The following TMEM154 variants were observed in gnomAD, a reference collection of about 807,000 sequenced individuals.
TMEM154 encodes the protein transmembrane protein 154.
Under a neutral mutation model 24.5 loss-of-function variants are expected in TMEM154, and 27 were observed. The ratio of observed to expected loss-of-function variants is 1.10; its 90% CI spans 0.81 to 1.52. The LOEUF is 1.52. TMEM154 is among the 40% of genes most tolerant of loss of function. The pLI, the probability that TMEM154 is intolerant of heterozygous loss-of-function variation, is 0.00. For missense variants in TMEM154, 228 were observed against 213.4 expected, an observed-to-expected ratio of 1.07 and a Z score of -0.43; for synonymous variants, 67 against 76.8, an observed-to-expected ratio of 0.87 and a Z score of 0.67.
At chr4:152,628,888 G>A (rs1220938263) in intron 6 of TMEM154, among the ~76,000 whole-genome samples, 1 of 150,906 alleles carries the variant, frequency 6.6e-6, no homozygotes, top group Non-Finnish European at 1.5e-5. Flanking sequence ...CTTGTGATCT[G>A]CCCACCTTGA....
intron 5 of TMEM154, 62 bp from the exon 6 acceptor site, chr4:152,641,047 C>T (rs1316306262): frequency 4.0e-6 from 6 of 1,507,204 alleles, no homozygotes; most frequent in Non-Finnish European, 3.6e-6. Flanking sequence ...TATCCACAAA[C>T]CTGATACAGT....
At position 152,623,921 on chromosome 4, in the gene TMEM154, T is replaced by C. The variant is rs1455548105; in HGVS notation, c.*4625A>G. ...AGGAAATGGGAAACTGTTAAGAATA[T>C]GCTTTTCATAAAAGTCCAGTTACTT... On this transcript the variant is annotated 3_prime_UTR_variant, in exon 7 of 7. Transcript: ENST00000304385. 1 of 151,236 alleles carries C rather than the reference T, an allele frequency of 6.6e-6. No individual in the cohort carries two copies. Among genetic ancestry groups the C allele is most frequent in the Non-Finnish European group, 1.5e-5 (1 of 67,844 alleles). 9.4% of individuals were successfully genotyped at this position (151,236 alleles called of 1,614,324 possible). A position where few individuals can be genotyped will look rare whatever the true frequency, so the allele number is the denominator to read the frequency against.
chr4:152,671,604 G>A (rs548030141), intron 1 of TMEM154, among the ~76,000 whole-genome samples: 2 of 150,548 alleles, frequency 1.3e-5, no homozygotes, highest in Non-Finnish European at 3.0e-5. Context: ...AAAATTAGCC[G>A]GGCGTAGTGG....
intron 1 of TMEM154, chr4:152,669,429 A>G (rs1332659641): frequency 1.3e-5 from 2 of 152,180 alleles, no homozygotes; most frequent in Non-Finnish European, 1.5e-5. Flanking sequence ...ACAATGAAAC[A>G]TTTTTAGTTA....
At chr4:152,631,410 T>C (rs1752040563) in intron 6 of TMEM154, among the ~76,000 whole-genome samples, 1 of 152,216 alleles carries the variant, frequency 6.6e-6, no homozygotes, top group African/African-American at 2.4e-5. Flanking sequence ...TTATTAATAG[T>C]CTCTGATCAT....
chr4:152,664,527 T>A (rs903911788), intron 1 of TMEM154, among the ~76,000 whole-genome samples: 1 of 152,160 alleles, frequency 6.6e-6, no homozygotes, highest in Non-Finnish European at 1.5e-5. Context: ...TAAAGTAAAA[T>A]TTTTTTAAAG....
intron 6 of TMEM154, among the ~76,000 whole-genome samples, chr4:152,628,803 A>AT (rs1465369707): frequency 3.3e-5 from 5 of 150,092 alleles, no homozygotes; most frequent in South Asian, 4.2e-4. Flanking sequence ...AGCCTGGCTA[A>AT]TTTTTTGTAT....
chr4:152,654,883 G>A (rs1728459718), intron 1 of TMEM154, among the ~76,000 whole-genome samples: 2 of 152,214 alleles, frequency 1.3e-5, no homozygotes, highest in South Asian at 4.1e-4. Context: ...TGTGTTGATT[G>A]TATGAATAAA....
At chr4:152,665,558 A>G (rs181325279) in intron 1 of TMEM154, among the ~76,000 whole-genome samples, 1 of 152,310 alleles carries the variant, frequency 6.6e-6, no homozygotes, top group East Asian at 1.9e-4. Context: ...ACCTTCCTGA[A>G]TAAGCCTGAA....
Position 152,624,058 on chromosome 4 carries a change from C to T in TMEM154, c.*4488G>A, listed in dbSNP as rs1056091410. 1 of 152,160 alleles carries T rather than the reference C, an allele frequency of 6.6e-6. No individual in the cohort carries two copies. The highest frequency in any genetic ancestry group is 2.4e-5 in the African/African-American group (1 of 41,428). The allele number at this position is 152,160 out of a possible 1,614,324, so 9.4% of individuals were successfully genotyped here. The stretch of plus-strand genomic sequence containing the variant: ...TAAAAAAAACCCCAAAGCCCATCCA[C>T]CTTTGTCTTAAACAGGTCTACATTG... On this transcript the variant is annotated 3_prime_UTR_variant, in exon 7 of 7. Transcript: ENST00000304385.
At chr4:152,658,315 A>G (rs1347147990) in intron 1 of TMEM154, among the ~76,000 whole-genome samples, 1 of 152,234 alleles carries the variant, frequency 6.6e-6, no homozygotes, top group Non-Finnish European at 1.5e-5. Context: ...GTTTATAGTA[A>G]CAAATACCTA....
chr4:152,627,544 G>C lies in TMEM154; in HGVS notation c.*1002C>G, dbSNP rs1284462701. The stretch of plus-strand genomic sequence containing the variant: ...CATAGAATGTCATCTCTGATGGACT[G>C]ACAGAGACCTCCTGTTGTGCTGTGT... On this transcript the variant is annotated 3_prime_UTR_variant, in exon 7 of 7. Coordinates refer to ENST00000304385, the MANE Select transcript of TMEM154 (RefSeq NM_152680.3). 1 of 152,218 alleles carries C rather than the reference G, an allele frequency of 6.6e-6. No individual in the cohort carries two copies. The highest frequency in any genetic ancestry group is 6.5e-5 in the Admixed American group (1 of 15,276). 9.4% of individuals were successfully genotyped at this position (152,218 alleles called of 1,614,324 possible).
At chr4:152,639,966 T>A (rs116132389) in intron 6 of TMEM154, among the ~76,000 whole-genome samples, 1 of 152,042 alleles carries the variant, frequency 6.6e-6, no homozygotes, top group Non-Finnish European at 1.5e-5. Flanking sequence ...AATTCTTAAG[T>A]GAGGTTTAGG....
At chr4:152,639,966 T>C (rs116132389) in intron 6 of TMEM154, among the ~76,000 whole-genome samples, 302 of 152,156 alleles carry the variant, frequency 2.0e-3, no homozygotes, top group African/African-American at 6.9e-3. Context: ...AATTCTTAAG[T>C]GAGGTTTAGG....
chr4:152,656,869 C>T (rs1324082470), intron 1 of TMEM154, among the ~76,000 whole-genome samples: 5 of 151,126 alleles, frequency 3.3e-5, no homozygotes, highest in Non-Finnish European at 1.5e-5. Context: ...TGCGGTGAGC[C>T]AAGATCATGC....
At chr4:152,637,064 G>A (rs1752163870) in intron 6 of TMEM154, among the ~76,000 whole-genome samples, 1 of 152,168 alleles carries the variant, frequency 6.6e-6, no homozygotes. Context: ...TCTGATGGGG[G>A]ACGTTGATAA....
chr4:152,649,367 G>A (rs561116885), intron 3 of TMEM154, among the ~76,000 whole-genome samples: 13 of 152,340 alleles, frequency 8.5e-5, no homozygotes, highest in Admixed American at 7.2e-4. Context: ...GAACTACCCT[G>A]ACTCCTAGCA....
rs1184681540 is a variant in TMEM154 at position 152,624,626 on chromosome 4, C to T, written c.*3920G>A. ...AAAAAAAGAAAAATAAAAAAAAACACCCAAAAACTATCCCCAAGAGGACTA... is the reference window on the plus strand; with the variant it reads ...AAAAAAAGAAAAATAAAAAAAAACATCCAAAAACTATCCCCAAGAGGACTA... On this transcript the variant is annotated 3_prime_UTR_variant, in exon 7 of 7. Coordinates refer to ENST00000304385, the MANE Select transcript of TMEM154 (RefSeq NM_152680.3). 6.6e-6 allele frequency: 1 copy of T among 151,768 alleles called. No individual in the cohort carries two copies. Among genetic ancestry groups the T allele is most frequent in the African/African-American group, 2.4e-5 (1 of 41,328 alleles). 9.4% of individuals were successfully genotyped at this position (151,768 alleles called of 1,614,324 possible). A position where few individuals can be genotyped will look rare whatever the true frequency, so the allele number is the denominator to read the frequency against.
At chr4:152,666,183 G>T (rs1728718613) in intron 1 of TMEM154, among the ~76,000 whole-genome samples, 1 of 152,134 alleles carries the variant, frequency 6.6e-6, no homozygotes, top group Non-Finnish European at 1.5e-5. Flanking sequence ...ATTTAGTTGT[G>T]GCTAATTATC....
Sources: gnomAD v4.1 joint callset for allele counts (sites outside exome capture counted in the v4.1 genomes callset) on GRCh38, gnomAD v4.1.1 for gene constraint, MANE v1.5 for transcripts, NCBI Gene and HGNC (gene_info 2026-07-23, HGNC 2026-07-21) for gene names.